RPH3A: variants seen among roughly 807,000 people sequenced by gnomAD.
RPH3A encodes rabphilin-3A.
Under a neutral mutation model 102.2 loss-of-function variants are expected in RPH3A, and 48 were observed. That is an observed-to-expected ratio of 0.47 (90% CI 0.37 to 0.60). The LOEUF is 0.60. RPH3A is among the 20% of genes least tolerant of loss of function. RPH3A has a pLI of 0.00. For synonymous variants in RPH3A, 310 were observed against 324.3 expected (o/e 0.96, Z 0.47); for missense variants, 781 against 910.1 (o/e 0.86, Z 1.83).
chr12:112,819,258 A>AC (rs1449894285), intron 2 of RPH3A, among the ~76,000 whole-genome samples: 2 of 151,998 alleles, frequency 1.3e-5, no homozygotes, highest in Non-Finnish European at 2.9e-5. Flanking sequence ...GGCATGCACC[A>AC]CCATGCCCAA....
chr12:112,862,598 G>T (rs1303444705), intron 5 of RPH3A, among the ~76,000 whole-genome samples: 1 of 152,144 alleles, frequency 6.6e-6, no homozygotes, highest in African/African-American at 2.4e-5. Flanking sequence ...GGAAGATGGG[G>T]TGGGTGGGGG....
intron 1 of RPH3A, among the ~76,000 whole-genome samples, chr12:112,651,284 AC>A (rs1218600033): frequency 6.6e-6 from 1 of 151,612 alleles, no homozygotes; most frequent in African/African-American, 2.4e-5. Context: ...GATGGCTTGA[AC>A]CCTGGTGGAG....
chr12:112,774,279 C>T (rs761910629), intron 1 of RPH3A, among the ~76,000 whole-genome samples: 1 of 152,160 alleles, frequency 6.6e-6, no homozygotes, highest in Non-Finnish European at 1.5e-5. Flanking sequence ...GAGGTTGGAA[C>T]GAATGGGGAA....
At chr12:112,664,312 G>T (rs79706288) in intron 1 of RPH3A, among the ~76,000 whole-genome samples, 1,854 of 152,212 alleles carry the variant, frequency 0.012, 45 homozygotes, top group African/African-American at 0.042. Flanking sequence ...TGTCATGAAG[G>T]CAATGGGGAT....
chr12:112,862,899 G>A (rs778879683), intron 5 of RPH3A, among the ~76,000 whole-genome samples: 7 of 152,090 alleles, frequency 4.6e-5, no homozygotes, highest in East Asian at 1.9e-4. Context: ...CCCTCTGGGC[G>A]CTGTGACGCC....
chr12:112,576,279 C>T (rs866773195), intron 1 of RPH3A, among the ~76,000 whole-genome samples: 1 of 152,204 alleles, frequency 6.6e-6, no homozygotes, highest in Non-Finnish European at 1.5e-5. Context: ...TCGCCAGGAG[C>T]GCTGCCAGGC....
At chr12:112,633,536 T>A (rs1455233112) in intron 1 of RPH3A, among the ~76,000 whole-genome samples, 1 of 152,166 alleles carries the variant, frequency 6.6e-6, no homozygotes, top group Non-Finnish European at 1.5e-5. Context: ...CCCCTCGTTG[T>A]GTGATGCCCT....
chr12:112,737,767 G>A (rs2040679788), intron 1 of RPH3A, among the ~76,000 whole-genome samples: 1 of 152,158 alleles, frequency 6.6e-6, no homozygotes. Context: ...TCCCTGGACC[G>A]AGTCCAATAA....
At chr12:112,887,765 T>C in intron 16 of RPH3A, 32 bp from the exon 17 acceptor site, 1 of 1,607,736 alleles carries the variant, frequency 6.2e-7, no homozygotes, top group South Asian at 1.1e-5. Context: ...TTTGTTCCTG[T>C]TTCTCTCTCT....
At chr12:112,586,133 C>T (rs1278989864) in intron 1 of RPH3A, among the ~76,000 whole-genome samples, 2 of 152,206 alleles carry the variant, frequency 1.3e-5, no homozygotes, top group Non-Finnish European at 2.9e-5. Context: ...GGTGATGTAG[C>T]AGGTGAGGAG....
intron 1 of RPH3A, among the ~76,000 whole-genome samples, chr12:112,678,096 C>G (rs2040194151): frequency 6.6e-6 from 1 of 151,756 alleles, no homozygotes; most frequent in Non-Finnish European, 1.5e-5. Context: ...ACTCAGGAGG[C>G]TGAGGCAGGA....
intron 1 of RPH3A, among the ~76,000 whole-genome samples, chr12:112,692,816 A>G (rs1440388930): frequency 3.3e-5 from 5 of 152,192 alleles, no homozygotes; most frequent in African/African-American, 1.2e-4. Flanking sequence ...CTGTGCTATC[A>G]TTAGTCATAG....
intron 1 of RPH3A, among the ~76,000 whole-genome samples, chr12:112,683,527 G>C (rs1479805957): frequency 6.6e-6 from 1 of 152,184 alleles, no homozygotes; most frequent in African/African-American, 2.4e-5. Context: ...AGGAGGAGGA[G>C]TGAGGGACAG....
intron 5 of RPH3A, among the ~76,000 whole-genome samples, chr12:112,862,368 G>C (rs1565926574): frequency 1.3e-5 from 2 of 152,152 alleles, no homozygotes; most frequent in Non-Finnish European, 2.9e-5. Context: ...TCACACCATT[G>C]CACTCTGGCC....
intron 2 of RPH3A, among the ~76,000 whole-genome samples, chr12:112,825,075 A>T (rs2041844068): frequency 6.6e-6 from 1 of 152,204 alleles, no homozygotes; most frequent in Non-Finnish European, 1.5e-5. Context: ...CTTTGCACTC[A>T]GCAGGGGCCA....
At chr12:112,884,071 T>C (rs1237969333) in intron 16 of RPH3A, among the ~76,000 whole-genome samples, 2 of 152,154 alleles carry the variant, frequency 1.3e-5, no homozygotes, top group Non-Finnish European at 2.9e-5. Flanking sequence ...ATTACAGCCA[T>C]GAAAAGACAT....
chr12:112,803,268 C>A (rs2041389257), intron 2 of RPH3A, among the ~76,000 whole-genome samples: 2 of 152,144 alleles, frequency 1.3e-5, no homozygotes, highest in South Asian at 2.1e-4. Context: ...AGAGTCTGTC[C>A]ATTTGGGTAC....
intron 5 of RPH3A, among the ~76,000 whole-genome samples, chr12:112,855,378 G>A (rs937255174): frequency 2.0e-5 from 3 of 152,212 alleles, no homozygotes; most frequent in Non-Finnish European, 4.4e-5. Flanking sequence ...CTGTTCCTGG[G>A]TTTGTCATGA....
intron 2 of RPH3A, among the ~76,000 whole-genome samples, chr12:112,823,585 A>G (rs1363036508): frequency 1.3e-5 from 2 of 152,152 alleles, no homozygotes; most frequent in African/African-American, 2.4e-5. Context: ...ACTTAAACTT[A>G]TCAGCTCAGT....
Sources: gnomAD v4.1 joint callset for allele counts (sites outside exome capture counted in the v4.1 genomes callset) on GRCh38, gnomAD v4.1.1 for gene constraint, MANE v1.5 for transcripts, NCBI Gene and HGNC (gene_info 2026-07-23, HGNC 2026-07-21) for gene names.